AFF2: variants seen among roughly 807,000 people sequenced by gnomAD.
AFF2 encodes the protein AF4/FMR2 family member 2.
AFF2 carries 14 observed loss-of-function variants against 76.9 expected under a neutral mutation model. The ratio of observed to expected loss-of-function variants is 0.18; its 90% CI spans 0.12 to 0.28. The LOEUF (loss-of-function observed/expected upper bound fraction) is 0.28, where lower values mean the gene tolerates loss of function less well. Among genes scored for constraint, AFF2 ranks in the 10% least tolerant of loss-of-function variants. AFF2 has a pLI of 1.00. For synonymous variants in AFF2, 398 were observed against 366.7 expected, an observed-to-expected ratio of 1.09 and a Z score of -0.98; for missense variants, 868 against 1,001.1, an observed-to-expected ratio of 0.87 and a Z score of 1.79.
At chrX:148,890,988 A>C (rs1442280) in intron 8 of AFF2, among the ~76,000 whole-genome samples, 1,391 of 112,427 alleles carry the variant, frequency 0.012, 21 homozygotes, top group African/African-American at 0.043. Flanking sequence ...TATCAATGGC[A>C]TGGTTGAGAT....
chrX:148,836,110 A>T (rs1557273767), intron 4 of AFF2, among the ~76,000 whole-genome samples: 1 of 112,481 alleles, frequency 8.9e-6, no homozygotes. Context: ...TTTGATGAAT[A>T]CATGAGTAGG....
At position 148,918,302 on chromosome X, in the gene AFF2, A is replaced by C. The variant is rs1298222797; in HGVS notation, c.1397+14044A>C. Among the ~76,000 whole-genome samples the C allele has an allele frequency of 3.6e-5, 4 of 112,508 alleles. No individual in the cohort carries two copies. The South Asian group carries it at 1.1e-3, about 31-fold the overall frequency. Reference sequence around the variant, plus strand: ...ATTGTAGCTCTTAACATGCACATTGAATGTTTTACTAGTAGTGGTGAGACT... The same window carrying C: ...ATTGTAGCTCTTAACATGCACATTGCATGTTTTACTAGTAGTGGTGAGACT... On this transcript the variant is annotated intron_variant, in intron 9 of 20. Transcript: ENST00000370460.
chrX:148,987,699 G>A (rs1030182265), intron 20 of AFF2, 142 bp downstream of exon 20: 50 of 525,239 alleles, frequency 9.5e-5, no homozygotes, highest in Admixed American at 7.8e-4. Context: ...GACAGAGTTC[G>A]CTCAGGGCTG....
chrX:148,986,854 G>A (rs1349092040), intron 19 of AFF2, among the ~76,000 whole-genome samples: 1 of 112,723 alleles, frequency 8.9e-6, no homozygotes, highest in Non-Finnish European at 1.9e-5. Context: ...CACAACACTT[G>A]TTATATGTAT....
rs186715912 is a variant in AFF2 at position 148,741,100 on chromosome X, A to G, written c.1042-68776A>G. On this transcript the variant is annotated intron_variant, in intron 3 of 20. Coordinates refer to ENST00000370460, the MANE Select transcript of AFF2 (RefSeq NM_002025.4). ...GAGGGCCCTTAGCTTTGGTGATTTA[A>G]TGCTCTGTTTTTGTGCTGGTTGACC... 1.3e-3 allele frequency among the ~76,000 whole-genome samples: 143 copies of G among 111,587 alleles called. 1 individual carries two copies. Among genetic ancestry groups the G allele is most frequent in the Non-Finnish European group, 2.5e-3 (130 of 53,044 alleles).
intron 4 of AFF2, among the ~76,000 whole-genome samples, chrX:148,827,634 G>A (rs1481159066): frequency 2.7e-5 from 3 of 111,631 alleles, no homozygotes; most frequent in Non-Finnish European, 3.8e-5. Flanking sequence ...AACAAATTGT[G>A]CATTATTCTC....
intron 9 of AFF2, among the ~76,000 whole-genome samples, chrX:148,949,387 C>T (rs189962675): frequency 9.0e-6 from 1 of 111,125 alleles, no homozygotes; most frequent in East Asian, 2.8e-4. Flanking sequence ...ACCTTAAACG[C>T]CTCCCCAGCT....
In AFF2 at chrX:148,916,244, T is replaced by C. The variant is rs112854038; in HGVS notation, c.1397+11986T>C. ...TTTTTTTTTGAGACGGAGTCTTGCT[T>C]TGTCGCCCAGGTTGGAGTGCAGTGG... On this transcript the variant is annotated intron_variant, in intron 9 of 20. Transcript: ENST00000370460. 9.5e-3 allele frequency among the ~76,000 whole-genome samples: 861 copies of C among 90,469 alleles called. 21 individuals carry two copies. Among genetic ancestry groups the C allele is most frequent in the African/African-American group, 0.034 (805 of 23,898 alleles). 78.6% of individuals were successfully genotyped at this position (90,469 alleles called of 115,157 possible). A position where few individuals can be genotyped will look rare whatever the true frequency, so the allele number is the denominator to read the frequency against.
chrX:148,914,457 G>A (rs2071505158), intron 9 of AFF2, among the ~76,000 whole-genome samples: 4 of 111,948 alleles, frequency 3.6e-5, no homozygotes, highest in Middle Eastern at 4.6e-3. Context: ...GTGTAGTGTG[G>A]GTGAAACTAA....
intron 1 of AFF2, among the ~76,000 whole-genome samples, chrX:148,505,664 C>A (rs1456185302): frequency 9.0e-6 from 1 of 111,413 alleles, no homozygotes; most frequent in Non-Finnish European, 1.9e-5. Context: ...TTGTAGAAGT[C>A]CAATGAAATG....
At chrX:148,782,643 T>C (rs1385445563) in intron 3 of AFF2, among the ~76,000 whole-genome samples, 1 of 112,091 alleles carries the variant, frequency 8.9e-6, no homozygotes, top group Non-Finnish European at 1.9e-5. Flanking sequence ...TATTTTATTA[T>C]GCATTTTAGT....
At chrX:148,834,505 A>ATGTGTGTGTGTGTG (rs61709112) in intron 4 of AFF2, among the ~76,000 whole-genome samples, 16 of 91,688 alleles carry the variant, frequency 1.7e-4, no homozygotes, top group African/African-American at 6.5e-4. Flanking sequence ...CCAGTCTCAG[A>ATGTGTGTGTGTGTG]TGTGTGTGTG....
chrX:148,545,802 C>T (rs1389391760), intron 1 of AFF2, among the ~76,000 whole-genome samples: 4 of 110,617 alleles, frequency 3.6e-5, no homozygotes, highest in African/African-American at 9.9e-5. Flanking sequence ...TGGATCCCAC[C>T]CCCCAAATTT....
At chrX:148,842,441 A>G (rs180958523) in intron 5 of AFF2, among the ~76,000 whole-genome samples, 10 of 112,889 alleles carry the variant, frequency 8.9e-5, no homozygotes, top group African/African-American at 3.2e-4. Flanking sequence ...CACTTCTTAT[A>G]TATAAAATGA....
chrX:148,991,309 C>T lies in AFF2; in HGVS notation c.3913C>T (p.Arg1305Cys), dbSNP rs782120451. The T allele has an allele frequency of 5.8e-6, 7 of 1,206,443 alleles. No individual in the cohort carries two copies. The highest frequency in any genetic ancestry group is 1.8e-5 in the South Asian group (1 of 56,064). ...CGTTCGCCAAGGACTGTGTTGGCTG[C>T]GCATCGATGCCCACTTGTTGTAGTG... Reference protein sequence around the residue: ...RYVRQGLCWLRIDAHLL With the variant: ...RYVRQGLCWLCIDAHLL Residue 1305 changes from arginine to cysteine, a missense_variant, in exon 21 of 21, where the codon CGC becomes TGC. By Grantham distance (180) the Arg-to-Cys change is radical. Coordinates refer to ENST00000370460, the MANE Select transcript of AFF2 (RefSeq NM_002025.4).
At chrX:148,557,497 A>G (rs1456659283) in intron 1 of AFF2, among the ~76,000 whole-genome samples, 4 of 112,005 alleles carry the variant, frequency 3.6e-5, no homozygotes, top group Admixed American at 9.5e-5. Context: ...GTGTCCTGCC[A>G]TAGCAGAAGG....
At position 148,563,562 on chromosome X, in the gene AFF2, T is replaced by A. The variant is rs1005995518; in HGVS notation, c.47+62418T>A. 1.1e-4 allele frequency among the ~76,000 whole-genome samples: 12 copies of A among 111,508 alleles called. No individual in the cohort carries two copies. In the Admixed American group the frequency reaches 1.1e-3, roughly 11 times the overall value. On this transcript the variant is annotated intron_variant, in intron 1 of 20. Coordinates refer to ENST00000370460, the MANE Select transcript of AFF2 (RefSeq NM_002025.4). ...GAGGAGTCCAGTATACCTTCTCAAT[T>A]TTTGTGTTGAGCGGCCAAGAGGATA...
At chrX:148,823,569 C>T (rs1363816048) in intron 4 of AFF2, among the ~76,000 whole-genome samples, 13 of 111,907 alleles carry the variant, frequency 1.2e-4, no homozygotes, top group Non-Finnish European at 7.5e-5. Context: ...AACAGAACTG[C>T]CCCAGATATC....
chrX:148,842,963 T>C lies in AFF2; in HGVS notation c.1174-3T>C. The C allele has an allele frequency of 5.0e-6, 6 of 1,196,941 alleles. No homozygotes were observed. Among genetic ancestry groups the C allele is most frequent in the Non-Finnish European group, 6.8e-6 (6 of 884,707 alleles). On this transcript the variant is annotated splice_region_variant and splice_polypyrimidine_tract_variant and intron_variant, in intron 5 of 20. Coordinates refer to ENST00000370460, the MANE Select transcript of AFF2 (RefSeq NM_002025.4). ...TTTGTGTCATATATATTATTCCTTATAGGAATCGCAGCATCTGACCCCAGG... is the reference window on the plus strand; with the variant it reads ...TTTGTGTCATATATATTATTCCTTACAGGAATCGCAGCATCTGACCCCAGG...
Sources: gnomAD v4.1 joint callset for allele counts (sites outside exome capture counted in the v4.1 genomes callset) on GRCh38, gnomAD v4.1.1 for gene constraint, MANE v1.5 for transcripts, NCBI Gene and HGNC (gene_info 2026-07-23, HGNC 2026-07-21) for gene names.